RCSD1: variants seen among roughly 807,000 people sequenced by gnomAD.
The protein encoded by RCSD1 is capZ-interacting protein.
RCSD1 carries 26 observed loss-of-function variants against 42.5 expected under a neutral mutation model. The observed-to-expected ratio is 0.61, with a 90% CI of 0.45 to 0.85. The LOEUF is 0.85. Among genes scored for constraint, RCSD1 ranks in the 40% least tolerant of loss-of-function variants. The pLI is 0.00. For synonymous variants in RCSD1, 220 were observed against 212.2 expected (o/e 1.04, Z -0.32); for missense variants, 571 against 528.3 (o/e 1.08, Z -0.79).
rs1467786917 is a variant in RCSD1, at chr1:167,708,076, C to T, written c.*3380C>T. 6.6e-6 allele frequency among the ~76,000 whole-genome samples: 1 copy of T among 152,184 alleles called. No individual in the cohort carries two copies. The highest frequency in any genetic ancestry group is 2.4e-5 in the African/African-American group (1 of 41,438). The stretch of plus-strand genomic sequence containing the variant: ...TTCACCATTACTGTGGGGAAAAAGT[C>T]CTGTAGAGGCTTTCCATAGGCCCTG... On this transcript the variant is annotated 3_prime_UTR_variant, in exon 7 of 7. Coordinates refer to ENST00000367854, the MANE Select transcript of RCSD1 (RefSeq NM_052862.4).
chr1:167,645,388 G>C (rs1158622905), intron 1 of RCSD1, among the ~76,000 whole-genome samples: 1 of 152,218 alleles, frequency 6.6e-6, no homozygotes, highest in Non-Finnish European at 1.5e-5. Context: ...TATAAAGACA[G>C]TATCTCAATA....
intron 1 of RCSD1, among the ~76,000 whole-genome samples, chr1:167,652,006 G>C (rs1457645963): frequency 6.8e-6 from 1 of 146,234 alleles, no homozygotes; most frequent in Non-Finnish European, 1.5e-5. Context: ...CCAGGCTCCT[G>C]CCTCTGTTCA....
intron 1 of RCSD1, among the ~76,000 whole-genome samples, chr1:167,645,843 T>C (rs1259808367): frequency 6.6e-6 from 1 of 152,094 alleles, no homozygotes; most frequent in Non-Finnish European, 1.5e-5. Context: ...GTGCACACGT[T>C]AGGGAGACAG....
chr1:167,640,002 A>G, intron 1 of RCSD1, among the ~76,000 whole-genome samples: 1 of 152,206 alleles, frequency 6.6e-6, no homozygotes, highest in East Asian at 1.9e-4. Flanking sequence ...TGGAGAGGAG[A>G]AGAACAAGGA....
chr1:167,636,621 C>T (rs1657862266), intron 1 of RCSD1, among the ~76,000 whole-genome samples: 1 of 151,772 alleles, frequency 6.6e-6, no homozygotes, highest in South Asian at 2.1e-4. Flanking sequence ...CGGAGTTTTG[C>T]TCTTGTTGCC....
intron 1 of RCSD1, among the ~76,000 whole-genome samples, chr1:167,651,875 C>T (rs1194248315): frequency 3.3e-5 from 5 of 152,156 alleles, no homozygotes; most frequent in Admixed American, 3.3e-4. Flanking sequence ...CCCTGACCTC[C>T]ACTCTTATCT....
chr1:167,683,812 A>G (rs943368166), intron 1 of RCSD1, 88 bp from the exon 2 acceptor site: 41 of 1,224,228 alleles, frequency 3.3e-5, no homozygotes, highest in Non-Finnish European at 4.7e-5. Flanking sequence ...CTGTCACAGC[A>G]TTCCTGCTTG....
chr1:167,639,013 T>C (rs576457816), intron 1 of RCSD1, among the ~76,000 whole-genome samples: 373 of 152,176 alleles, frequency 2.5e-3, no homozygotes, highest in Middle Eastern at 0.014. Context: ...GTCAGGAGAT[T>C]GAGACCATCC....
At chr1:167,679,497 A>G (rs1327495307) in intron 1 of RCSD1, among the ~76,000 whole-genome samples, 1 of 152,228 alleles carries the variant, frequency 6.6e-6, no homozygotes, top group South Asian at 2.1e-4. Flanking sequence ...GAGAGATTCT[A>G]TGGTGGTCTT....
Sources: allele counts gnomAD v4.1 joint callset (sites outside exome capture counted in the v4.1 genomes callset), GRCh38; gene constraint gnomAD v4.1.1; transcripts MANE v1.5; gene names NCBI Gene and HGNC (gene_info 2026-07-23, HGNC 2026-07-21).